COPS2: variants seen among roughly 807,000 people sequenced by gnomAD.
COPS2 encodes COP9 signalosome complex subunit 2.
A neutral mutation model predicts 66.1 loss-of-function variants in COPS2; 10 were observed. The observed-to-expected ratio is 0.15, with a 90% CI of 0.09 to 0.26. COPS2 has a LOEUF of 0.26. COPS2 is among the 10% of genes least tolerant of loss of function. COPS2 has a pLI of 1.00. For missense variants in COPS2, 215 were observed against 513.3 expected, an observed-to-expected ratio of 0.42 and a Z score of 5.62; for synonymous variants, 179 against 171.3, an observed-to-expected ratio of 1.04 and a Z score of -0.35.
At position 49,127,102 on chromosome 15, in the gene COPS2, TAAAAA is replaced by T. The variant is rs1027407827; in HGVS notation, c.*843_*847del. The T allele has an allele frequency of 6.6e-6, 1 of 151,084 alleles. No individual in the cohort carries two copies. Among genetic ancestry groups the T allele is most frequent in the African/African-American group, 2.4e-5 (1 of 41,186 alleles). 9.4% of individuals were successfully genotyped at this position (151,084 alleles called of 1,614,324 possible). A position where few individuals can be genotyped will look rare whatever the true frequency, so the allele number is the denominator to read the frequency against. On this transcript the variant is annotated 3_prime_UTR_variant, in exon 13 of 13. Transcript: ENST00000388901. ...TCTTTTGAAAAGGAATATCACTCTT[TAAAAA>T]AAAAGAATTTTATTCCTTTAAAGCA...
chr15:49,144,141 G>A, intron 3 of COPS2, 86 bp downstream of exon 3: 1 of 861,256 alleles, frequency 1.2e-6, no homozygotes, highest in Non-Finnish European at 1.9e-6. Flanking sequence ...AAGTACTTTA[G>A]AAAAGAAGAT....
chr15:49,130,616 TAGAC>T (rs745337378), intron 10 of COPS2, 99 bp downstream of exon 10: 1 of 629,202 alleles, frequency 1.6e-6, no homozygotes, highest in Non-Finnish European at 2.8e-6. Context: ...TACTTTGCAA[TAGAC>T]AGAAAGAAAA....
Position 49,123,661 on chromosome 15 carries a change from T to C in COPS2, c.*4289A>G, listed in dbSNP as rs140594385. The C allele has an allele frequency of 2.0e-5, 3 of 152,320 alleles. No homozygotes were observed. Among genetic ancestry groups the C allele is most frequent in the Non-Finnish European group, 4.4e-5 (3 of 68,022 alleles). The allele number at this position is 152,320 out of a possible 1,614,324, so 9.4% of individuals were successfully genotyped here. Reference sequence around the variant, plus strand: ...AACAAAGTTGCCCCCGAATAGTAAGTACTTAAGAAATAATTTTTTCTTTTT... The same window carrying C: ...AACAAAGTTGCCCCCGAATAGTAAGCACTTAAGAAATAATTTTTTCTTTTT... On this transcript the variant is annotated 3_prime_UTR_variant, in exon 13 of 13. Coordinates refer to ENST00000388901, the MANE Select transcript of COPS2 (RefSeq NM_004236.4).
At chr15:49,132,500 A>G (rs1483508046) in intron 9 of COPS2, among the ~76,000 whole-genome samples, 1 of 144,482 alleles carries the variant, frequency 6.9e-6, no homozygotes, top group Admixed American at 7.1e-5. Context: ...ACAGTCTAAT[A>G]GTGTTTTCTG....
intron 2 of COPS2, 54 bp downstream of exon 2, chr15:49,144,911 T>G (rs2084311401): frequency 7.3e-6 from 7 of 955,712 alleles, no homozygotes; most frequent in Non-Finnish European, 9.6e-6. Context: ...TTATTTGTTC[T>G]AGCATATCAT....
intron 1 of COPS2, among the ~76,000 whole-genome samples, chr15:49,152,920 CTG>C (rs1021015609): frequency 3.8e-4 from 58 of 152,314 alleles, no homozygotes; most frequent in African/African-American, 1.4e-3. Flanking sequence ...AGTTAAAACA[CTG>C]TATGTTTAAT....
At position 49,125,493 on chromosome 15, in the gene COPS2, T is replaced by C. The variant is rs2084158831; in HGVS notation, c.*2457A>G. 1 of 152,096 alleles carries C rather than the reference T, an allele frequency of 6.6e-6. No homozygotes were observed. The highest frequency in any genetic ancestry group is 1.5e-5 in the Non-Finnish European group (1 of 67,950). 9.4% of individuals were successfully genotyped at this position (152,096 alleles called of 1,614,324 possible). The stretch of plus-strand genomic sequence containing the variant: ...ATGGTTTTCACAAAAGTGGAAAAGA[T>C]TTAATCAGTGAATAAATGCTACAAA... On this transcript the variant is annotated 3_prime_UTR_variant, in exon 13 of 13. Coordinates refer to ENST00000388901, the MANE Select transcript of COPS2 (RefSeq NM_004236.4).
In COPS2 at chr15:49,141,187, G is replaced by C. The variant is rs1465115828; in HGVS notation, c.247-1534C>G. ...AACTTTGAAGCTGTATCTTGGCACT[G>C]AAATAGGAGTTTTGCAAAAAGTTAC... On this transcript the variant is annotated intron_variant, in intron 3 of 12. Transcript: ENST00000388901. 4.6e-5 allele frequency among the ~76,000 whole-genome samples: 7 copies of C among 152,278 alleles called. No homozygotes were observed. The East Asian group carries it at 1.4e-3, about 29-fold the overall frequency.
At chr15:49,155,489 AT>A in intron 1 of COPS2, 35 bp downstream of exon 1, 1 of 1,610,250 alleles carries the variant, frequency 6.2e-7, no homozygotes, top group Non-Finnish European at 8.5e-7. Flanking sequence ...AACAAGACAC[AT>A]CACCACCCTC....
intron 9 of COPS2, among the ~76,000 whole-genome samples, 200 bp downstream of exon 9, chr15:49,133,559 A>AAGT (rs3217476): frequency 0.84 from 127,532 of 151,966 alleles, 54,651 homozygotes; most frequent in Non-Finnish European, 0.93. Context: ...TAGGAAAACT[A>AAGT]AGTAGATACT....
rs950823924 is a variant in COPS2, at chr15:49,130,835, G to A, written c.948-19C>T. The A allele has an allele frequency of 3.8e-6, 5 of 1,315,720 alleles. No homozygotes were observed. Among genetic ancestry groups the A allele is most frequent in the East Asian group, 2.3e-5 (1 of 43,264 alleles). 81.5% of individuals were successfully genotyped at this position (1,315,720 alleles called of 1,614,324 possible). A position where few individuals can be genotyped will look rare whatever the true frequency, so the allele number is the denominator to read the frequency against. ...ATAGGCACTAATAGAAAAACAAAGT[G>A]TAAATTATGTCAAACATGAAGAAGT... On this transcript the variant is annotated intron_variant, in intron 9 of 12. Transcript: ENST00000388901.
intron 1 of COPS2, among the ~76,000 whole-genome samples, chr15:49,152,941 T>C (rs943786262): frequency 2.0e-5 from 3 of 152,218 alleles, no homozygotes; most frequent in Non-Finnish European, 4.4e-5. Flanking sequence ...ATAAAAAATC[T>C]TGCAAAAGTT....
intron 12 of COPS2, among the ~76,000 whole-genome samples, chr15:49,128,310 A>C (rs1566880978): frequency 1.3e-5 from 2 of 152,258 alleles, no homozygotes; most frequent in Non-Finnish European, 2.9e-5. Context: ...TGAAAGACCC[A>C]TAAGGCATAG....
In COPS2 at chr15:49,134,837, T is replaced by C. The variant is rs573192794; in HGVS notation, c.541-323A>G. On this transcript the variant is annotated intron_variant, in intron 6 of 12. Coordinates refer to ENST00000388901, the MANE Select transcript of COPS2 (RefSeq NM_004236.4). ...GTATAGTAGTATGTTTTTTCCTATA[T>C]AGTAAGTCCTCGTTTAACACTGTCG... Among the ~76,000 whole-genome samples the C allele has an allele frequency of 4.6e-5, 7 of 152,348 alleles. No homozygotes were observed. In the South Asian group the frequency reaches 1.2e-3, roughly 27 times the overall value.
chr15:49,127,751 C>T lies in COPS2; in HGVS notation c.*199G>A. On this transcript the variant is annotated 3_prime_UTR_variant, in exon 13 of 13. Coordinates refer to ENST00000388901, the MANE Select transcript of COPS2 (RefSeq NM_004236.4). ...ATAAATCCCATGGTATTTTGGTTTT[C>T]TTCTGGAGATTAAAGCTGTTTTTCT... 5.5e-6 allele frequency: 3 copies of T among 540,736 alleles called. No homozygotes were observed. The highest frequency in any genetic ancestry group is 9.6e-6 in the Non-Finnish European group (3 of 313,922). The allele number at this position is 540,736 out of a possible 1,614,324, so 33.5% of individuals were successfully genotyped here.
intron 4 of COPS2, among the ~76,000 whole-genome samples, chr15:49,138,058 G>A (rs1404708166): frequency 6.6e-6 from 1 of 152,196 alleles, no homozygotes; most frequent in Non-Finnish European, 1.5e-5. Flanking sequence ...TAACTCAACT[G>A]CATAGCTTTT....
chr15:49,143,076 T>C (rs2084299657), intron 3 of COPS2, among the ~76,000 whole-genome samples: 2 of 152,138 alleles, frequency 1.3e-5, no homozygotes, highest in African/African-American at 4.8e-5. Context: ...AGTGGTGCCA[T>C]TGAGCAGAGA....
intron 1 of COPS2, among the ~76,000 whole-genome samples, chr15:49,151,228 C>T (rs925000064): frequency 2.0e-5 from 3 of 151,960 alleles, no homozygotes; most frequent in African/African-American, 7.3e-5. Flanking sequence ...TGGTGAAACC[C>T]TGTCTCTACT....
At chr15:49,147,341 T>C (rs984255868) in intron 1 of COPS2, among the ~76,000 whole-genome samples, 2 of 152,182 alleles carry the variant, frequency 1.3e-5, no homozygotes, top group South Asian at 2.1e-4. Flanking sequence ...CTGATTTACA[T>C]TGATCACAAA....
Sources: gnomAD v4.1 joint callset for allele counts (sites outside exome capture counted in the v4.1 genomes callset) on GRCh38, gnomAD v4.1.1 for gene constraint, MANE v1.5 for transcripts, NCBI Gene and HGNC (gene_info 2026-07-23, HGNC 2026-07-21) for gene names.